The following NCKAP5 variants were observed in gnomAD, a reference collection of about 807,000 sequenced individuals.
NCKAP5 encodes nck-associated protein 5.
In NCKAP5, 92 loss-of-function variants were observed where a neutral mutation model predicts 167.0. The observed-to-expected ratio is 0.55, with a 90% confidence interval of 0.47 to 0.66. The LOEUF (loss-of-function observed/expected upper bound fraction) is 0.66, where lower values mean the gene tolerates loss of function less well. Among genes scored for constraint, NCKAP5 ranks in the 30% least tolerant of loss-of-function variants. The pLI is 0.00. For synonymous variants in NCKAP5, 891 were observed against 877.4 expected, an observed-to-expected ratio of 1.02 and a Z score of -0.27; for missense variants, 2,378 against 2,315.0, an observed-to-expected ratio of 1.03 and a Z score of -0.56.
At chr2:133,236,601 T>C (rs1275875538) in intron 4 of NCKAP5, among the ~76,000 whole-genome samples, 1 of 152,218 alleles carries the variant, frequency 6.6e-6, no homozygotes, top group African/African-American at 2.4e-5. Context: ...TTCATTTGAA[T>C]GTATCACTTA....
At chr2:133,035,131 T>C (rs1028018549) in intron 6 of NCKAP5, among the ~76,000 whole-genome samples, 3 of 151,878 alleles carry the variant, frequency 2.0e-5, no homozygotes, top group African/African-American at 7.2e-5. Context: ...ATCAAACAAA[T>C]CATATTTTAA....
chr2:133,405,035 AC>A (rs1271980098), intron 3 of NCKAP5, among the ~76,000 whole-genome samples: 2 of 152,188 alleles, frequency 1.3e-5, no homozygotes, highest in Non-Finnish European at 2.9e-5. Flanking sequence ...GCCAAATACA[AC>A]CTGGCCCCTC....
chr2:132,864,081 A>C (rs1351314652), intron 10 of NCKAP5, among the ~76,000 whole-genome samples: 1 of 152,204 alleles, frequency 6.6e-6, no homozygotes, highest in Admixed American at 6.5e-5. Flanking sequence ...CAAGACCCAG[A>C]ACAGCCTCCC....
chr2:133,664,920 TTC>T, the NCKAP5 span, among the ~76,000 whole-genome samples: 1 of 152,246 alleles, frequency 6.6e-6, no homozygotes, highest in Admixed American at 6.5e-5. Context: ...TAGGGATAGC[TTC>T]TTTCTTTAAA....
At chr2:133,616,671 A>G in the NCKAP5 span, among the ~76,000 whole-genome samples, 4 of 152,036 alleles carry the variant, frequency 2.6e-5, no homozygotes, top group Admixed American at 2.6e-4. Context: ...TAGCTTACCA[A>G]CCAAAAAGAG....
At chr2:132,678,239 T>C (rs1684756237) in intron 19 of NCKAP5, among the ~76,000 whole-genome samples, 2 of 152,166 alleles carry the variant, frequency 1.3e-5, no homozygotes, top group African/African-American at 2.4e-5. Context: ...CTCCTGTTCA[T>C]GGTAGAGGAG....
chr2:133,461,234 A>T (rs1201582090), intron 3 of NCKAP5, among the ~76,000 whole-genome samples: 1 of 152,174 alleles, frequency 6.6e-6, no homozygotes, highest in Non-Finnish European at 1.5e-5. Flanking sequence ...AGGTGAAGTC[A>T]TGGATAACTT....
At chr2:132,678,876 T>C (rs924068976) in intron 19 of NCKAP5, among the ~76,000 whole-genome samples, 4 of 152,176 alleles carry the variant, frequency 2.6e-5, no homozygotes, top group Non-Finnish European at 5.9e-5. Context: ...TAATTAGCTG[T>C]GTAAGCCCTC....
intron 3 of NCKAP5, among the ~76,000 whole-genome samples, chr2:133,449,033 T>G (rs1411680547): frequency 1.3e-5 from 2 of 152,214 alleles, no homozygotes; most frequent in African/African-American, 4.8e-5. Context: ...TTTTTCCACA[T>G]AGATTTAATT....
chr2:132,687,965 C>T lies in NCKAP5; in HGVS notation c.5714-14660G>A, dbSNP rs1432448673. Among the ~76,000 whole-genome samples the T allele has an allele frequency of 7.9e-5, 12 of 152,246 alleles. No homozygotes were observed. The South Asian group carries it at 2.1e-3, about 26-fold the overall frequency. On this transcript the variant is annotated intron_variant, in intron 19 of 19. Transcript: ENST00000409261. The stretch of plus-strand genomic sequence containing the variant: ...TGGTCTGAATGTGATTAGCGATTAG[C>T]GCTGGTGGCTTCAGTCACTTGGGAA...
chr2:132,883,115 T>C (rs940865320), intron 8 of NCKAP5, among the ~76,000 whole-genome samples: 2 of 151,006 alleles, frequency 1.3e-5, no homozygotes, highest in African/African-American at 4.9e-5. Flanking sequence ...GTTTGGAGGA[T>C]TGCTTGAGCC....
At chr2:132,722,861 G>A (rs1690061643) in intron 19 of NCKAP5, among the ~76,000 whole-genome samples, 1 of 151,938 alleles carries the variant, frequency 6.6e-6, no homozygotes, top group Admixed American at 6.6e-5. Flanking sequence ...TGTCACCCAG[G>A]CTGTACTGCA....
chr2:133,201,346 G>A (rs1404316885), intron 5 of NCKAP5, among the ~76,000 whole-genome samples: 1 of 152,130 alleles, frequency 6.6e-6, no homozygotes, highest in African/African-American at 2.4e-5. Context: ...ACAGATAATA[G>A]AAATGGCAGC....
rs566352625 is a variant in NCKAP5, at chr2:132,784,247, G to T, written c.2564C>A (p.Pro855His). The change falls in exon 14 of 20, where the codon CCC becomes CAC. Residue 855 changes from proline to histidine, a missense_variant. Pro to His is a moderately conservative substitution (Grantham distance 77). Transcript: ENST00000409261. ...SRFMKTESSGPLFELRSDPHI... is the reference protein window; with the variant it reads ...SRFMKTESSGHLFELRSDPHI... ...TGGATCTGATCGTAATTCAAAGAGG[G>T]GCCCTGAGCTCTCAGTCTTCATGAA... 2 of 1,603,606 alleles carry T rather than the reference G, an allele frequency of 1.2e-6. No individual in the cohort carries two copies. Among genetic ancestry groups the T allele is most frequent in the Admixed American group, 3.5e-5 (2 of 57,508 alleles).
At chr2:133,469,557 T>G (rs1338710126) in intron 3 of NCKAP5, among the ~76,000 whole-genome samples, 1 of 152,138 alleles carries the variant, frequency 6.6e-6, no homozygotes, top group Non-Finnish European at 1.5e-5. Flanking sequence ...AATGTTGGCC[T>G]ACCTTGCTAG....
At chr2:132,922,585 G>C (rs1695528818) in intron 8 of NCKAP5, among the ~76,000 whole-genome samples, 1 of 152,152 alleles carries the variant, frequency 6.6e-6, no homozygotes, top group Non-Finnish European at 1.5e-5. Flanking sequence ...CTGTGCTCCA[G>C]CTAAATTAAA....
chr2:132,908,670 C>T (rs1053536027), intron 8 of NCKAP5, among the ~76,000 whole-genome samples: 1 of 152,122 alleles, frequency 6.6e-6, no homozygotes, highest in African/African-American at 2.4e-5. Context: ...ATCTTGTTTA[C>T]TATAGTCCAC....
intron 6 of NCKAP5, among the ~76,000 whole-genome samples, chr2:133,033,161 G>C (rs574440048): frequency 4.6e-5 from 7 of 152,354 alleles, no homozygotes; most frequent in African/African-American, 1.7e-4. Flanking sequence ...TCAGAATAGA[G>C]AGAGATACTT....
intron 6 of NCKAP5, among the ~76,000 whole-genome samples, chr2:133,007,338 G>T (rs2078003682): frequency 1.3e-5 from 2 of 152,098 alleles, no homozygotes; most frequent in African/African-American, 4.8e-5. Flanking sequence ...AAACCTTTTG[G>T]TGCTGATGTG....
Sources: allele counts gnomAD v4.1 joint callset (sites outside exome capture counted in the v4.1 genomes callset), GRCh38; gene constraint gnomAD v4.1.1; transcripts MANE v1.5; gene names NCBI Gene and HGNC (gene_info 2026-07-23, HGNC 2026-07-21).